CCDC191: variants seen among roughly 807,000 people sequenced by gnomAD.
The protein encoded by CCDC191 is coiled-coil domain containing 191.
CCDC191 carries 99 observed loss-of-function variants against 114.0 expected under a neutral mutation model. The observed-to-expected ratio is 0.87, with a 90% CI of 0.74 to 1.03. The LOEUF (loss-of-function observed/expected upper bound fraction) is 1.03, where lower values mean the gene tolerates loss of function less well. Among genes scored for constraint, CCDC191 ranks in the 50% least tolerant of loss-of-function variants. The pLI is 0.00. For synonymous variants in CCDC191, 351 were observed against 376.0 expected (o/e 0.93, Z 0.77); for missense variants, 973 against 1,087.0 (o/e 0.90, Z 1.47).
At chr3:114,019,883 C>G (rs1020078847) in intron 7 of CCDC191, among the ~76,000 whole-genome samples, 1 of 152,120 alleles carries the variant, frequency 6.6e-6, no homozygotes, top group Non-Finnish European at 1.5e-5. Flanking sequence ...CTATAACAAT[C>G]TATGCTTTCT....
At chr3:114,004,168 G>T in intron 11 of CCDC191, 2 of 959,162 alleles carry the variant, frequency 2.1e-6, no homozygotes, top group Non-Finnish European at 2.5e-6. Context: ...CTGGTTTGTA[G>T]GTTTTATTAC....
Position 114,029,004 on chromosome 3 carries a change from C to T in CCDC191, c.972+2622G>A, listed in dbSNP as rs2076365507. On this transcript the variant is annotated intron_variant, in intron 7 of 16. Coordinates refer to ENST00000295878, the MANE Select transcript of CCDC191 (RefSeq NM_020817.2). The stretch of plus-strand genomic sequence containing the variant: ...TATTTTATATATATTTTAGCTCTGT[C>T]TGCTGAGGCGGCCTAGAAAAAAATG... Among the ~76,000 whole-genome samples, 8 of 151,644 alleles carry T rather than the reference C, an allele frequency of 5.3e-5. No homozygotes were observed. In the South Asian group the frequency reaches 1.7e-3, roughly 32 times the overall value.
chr3:114,046,521 T>C, intron 3 of CCDC191, 70 bp downstream of exon 3: 1 of 961,218 alleles, frequency 1.0e-6, no homozygotes, highest in South Asian at 1.4e-5. Context: ...TTCCATTCTC[T>C]ACTTTGAAAT....
At chr3:114,005,465 C>T in intron 10 of CCDC191, 43 bp downstream of exon 10, 1 of 1,533,464 alleles carries the variant, frequency 6.5e-7, no homozygotes, top group Middle Eastern at 1.8e-4. Flanking sequence ...AAGTGAAAAA[C>T]CCCTTAAAAT....
chr3:114,021,080 A>G (rs560060504), intron 7 of CCDC191, among the ~76,000 whole-genome samples: 1 of 152,280 alleles, frequency 6.6e-6, no homozygotes, highest in Non-Finnish European at 1.5e-5. Flanking sequence ...ACATTCCAGC[A>G]TCCTGATGAC....
intron 7 of CCDC191, among the ~76,000 whole-genome samples, chr3:114,020,478 C>A (rs2107703019): frequency 6.6e-6 from 1 of 152,182 alleles, no homozygotes; most frequent in East Asian, 1.9e-4. Context: ...GGCACATGTC[C>A]TAGACCTTCA....
chr3:114,006,171 G>A (rs62267065), intron 9 of CCDC191: 48,732 of 644,156 alleles, frequency 0.076, 2,053 homozygotes, highest in Middle Eastern at 0.11. Context: ...GAGAGTGGCC[G>A]GCTGTGGTGG....
intron 13 of CCDC191, among the ~76,000 whole-genome samples, chr3:113,985,023 T>G (rs2075301636): frequency 6.6e-6 from 1 of 152,032 alleles, no homozygotes; most frequent in Non-Finnish European, 1.5e-5. Flanking sequence ...ACCATATGAG[T>G]AAGACAATTA....
Position 114,001,620 on chromosome 3 carries a change from C to T in CCDC191, c.2138G>A (p.Arg713Gln), listed in dbSNP as rs767911543. ...EEKEAQLERK[R>Q]EEKRLKKMKE... ...CATTTTCTTCAGTCTCTTCTCTTCTCGTTTTCTTTCAAGCTGTGCCTCCTT... is the reference window on the plus strand; with the variant it reads ...CATTTTCTTCAGTCTCTTCTCTTCTTGTTTTCTTTCAAGCTGTGCCTCCTT... Residue 713 changes from arginine to glutamine, a missense_variant, in exon 13 of 17, where the codon CGA becomes CAA. Transcript: ENST00000295878. 2.7e-5 allele frequency: 44 copies of T among 1,613,700 alleles called. No individual in the cohort carries two copies. In the Middle Eastern group the frequency reaches 9.9e-4, roughly 36 times the overall value.
Position 114,005,649 on chromosome 3 carries a change from G to A in CCDC191, c.1727C>T (p.Thr576Ile), listed in dbSNP as rs574319149. Residue 576 changes from threonine to isoleucine, a missense_variant, in exon 10 of 17, where the codon ACA becomes ATA. Physicochemically the swap from Thr to Ile is moderately conservative, Grantham distance 89. Coordinates refer to ENST00000295878, the MANE Select transcript of CCDC191 (RefSeq NM_020817.2). ...CAGGTTTTTCTTCAGCTCGAGAATT[G>A]TTTTCTGCTGTTCCTGAAGTTTCTT... The part of the protein sequence containing the change: ...QKKKLQEQQK[T>I]ILELKKNLQL... 231 of 1,614,112 alleles carry A rather than the reference G, an allele frequency of 1.4e-4. 1 individual carries two copies. The Admixed American group carries it at 3.8e-3, about 27-fold the overall frequency.
intron 16 of CCDC191, among the ~76,000 whole-genome samples, chr3:113,969,273 G>A (rs865870736): frequency 5.3e-5 from 8 of 152,192 alleles, no homozygotes; most frequent in Non-Finnish European, 7.3e-5. Flanking sequence ...CAGACAGTTT[G>A]CAAATACTCT....
At chr3:114,002,688 A>T (rs2075877948) in intron 11 of CCDC191, 150 bp from the exon 12 acceptor site, 1 of 1,269,522 alleles carries the variant, frequency 7.9e-7, no homozygotes, top group Middle Eastern at 2.8e-4. Context: ...GAAAATATAT[A>T]GAGATAAACA....
chr3:114,048,548 C>T (rs1016340978), intron 2 of CCDC191, among the ~76,000 whole-genome samples: 3 of 152,164 alleles, frequency 2.0e-5, no homozygotes, highest in African/African-American at 7.2e-5. Flanking sequence ...CAGCTTAGGG[C>T]CTTTGTACTT....
intron 11 of CCDC191, chr3:114,002,887 A>C: frequency 2.0e-6 from 2 of 980,796 alleles, no homozygotes; most frequent in Non-Finnish European, 2.4e-6. Context: ...ATGTTTGATG[A>C]ATGCAGAAAA....
chr3:114,000,943 C>CA (rs1481031586), intron 13 of CCDC191, among the ~76,000 whole-genome samples: 2 of 152,268 alleles, frequency 1.3e-5, no homozygotes, highest in East Asian at 3.9e-4. Context: ...GTGTGAGCCA[C>CA]AATGTCTGGC....
chr3:114,048,283 C>T (rs1049250218), intron 2 of CCDC191, among the ~76,000 whole-genome samples: 2 of 152,308 alleles, frequency 1.3e-5, no homozygotes, highest in African/African-American at 4.8e-5. Flanking sequence ...TCTGGAATAG[C>T]CTCTCACCAC....
intron 13 of CCDC191, among the ~76,000 whole-genome samples, chr3:113,987,902 C>A (rs1384982099): frequency 6.6e-6 from 1 of 150,576 alleles, no homozygotes; most frequent in Non-Finnish European, 1.5e-5. Context: ...ATTAGCCGGG[C>A]GTGTTGGTGG....
chr3:114,002,386 G>C, intron 12 of CCDC191, 70 bp downstream of exon 12: 1 of 1,153,682 alleles, frequency 8.7e-7, no homozygotes, highest in South Asian at 1.5e-5. Flanking sequence ...AAAAAGCAAG[G>C]TTTCATTTTT....
At chr3:114,029,317 C>A (rs1173022208) in intron 7 of CCDC191, among the ~76,000 whole-genome samples, 1 of 151,994 alleles carries the variant, frequency 6.6e-6, no homozygotes, top group African/African-American at 2.4e-5. Flanking sequence ...TAGATTATGA[C>A]CCATAGAATA....
Sources: gnomAD v4.1 joint callset for allele counts (sites outside exome capture counted in the v4.1 genomes callset) on GRCh38, gnomAD v4.1.1 for gene constraint, MANE v1.5 for transcripts, NCBI Gene and HGNC (gene_info 2026-07-23, HGNC 2026-07-21) for gene names.